NRXN1: variants seen among roughly 807,000 people sequenced by gnomAD.
NRXN1 encodes the protein neurexin 1.
NRXN1 carries 39 observed loss-of-function variants against 150.9 expected under a neutral mutation model. That is an observed-to-expected ratio of 0.26 (90% CI 0.20 to 0.34). The LOEUF (loss-of-function observed/expected upper bound fraction) is 0.34, where lower values mean the gene tolerates loss of function less well. NRXN1 is among the 10% of genes least tolerant of loss of function. NRXN1 has a pLI of 1.00. For missense variants in NRXN1, 1,815 were observed against 1,949.9 expected (o/e 0.93, Z 1.30); for synonymous variants, 924 against 757.0 (o/e 1.22, Z -3.62).
chr2:50,799,462 T>C, intron 5 of NRXN1, among the ~76,000 whole-genome samples: 1 of 152,162 alleles, frequency 6.6e-6, no homozygotes, highest in East Asian at 1.9e-4. Context: ...TGAGGTGGGC[T>C]GGGGGATGTG....
chr2:50,263,281 A>C (rs2068498034), intron 17 of NRXN1, among the ~76,000 whole-genome samples: 1 of 151,884 alleles, frequency 6.6e-6, no homozygotes, highest in Non-Finnish European at 1.5e-5. Flanking sequence ...TTTATTCCTC[A>C]GATTTGAAAG....
rs1679124524 is a variant in NRXN1 at position 50,616,734 on chromosome 2, C to T, written c.1320+3288G>A. On this transcript the variant is annotated intron_variant, in intron 8 of 22. Transcript: ENST00000401669. Reference sequence around the variant, plus strand: ...ATTTCCAGGATCCTTTCCATTCTAACACTCCAAAATTTCTTCCATGACTTC... The same window carrying T: ...ATTTCCAGGATCCTTTCCATTCTAATACTCCAAAATTTCTTCCATGACTTC... Among the ~76,000 whole-genome samples the T allele has an allele frequency of 2.6e-5, 4 of 152,144 alleles. No individual in the cohort carries two copies. In the South Asian group the frequency reaches 6.2e-4, roughly 24 times the overall value.
intron 5 of NRXN1, among the ~76,000 whole-genome samples, chr2:50,815,380 A>C (rs537209582): frequency 6.6e-6 from 1 of 152,290 alleles, no homozygotes; most frequent in Admixed American, 6.5e-5. Flanking sequence ...CAGGATGAGG[A>C]GAGTAAGATA....
chr2:50,743,313 A>T (rs1019103413), intron 5 of NRXN1, among the ~76,000 whole-genome samples: 31 of 152,218 alleles, frequency 2.0e-4, no homozygotes, highest in Admixed American at 8.5e-4. Context: ...TGAAATTTTA[A>T]AGTGGGTATG....
intron 17 of NRXN1, among the ~76,000 whole-genome samples, chr2:50,318,661 T>C (rs1339275732): frequency 6.6e-6 from 1 of 151,620 alleles, no homozygotes; most frequent in Non-Finnish European, 1.5e-5. Context: ...CAGACAAAAA[T>C]GAAGGAATAA....
intron 13 of NRXN1, among the ~76,000 whole-genome samples, chr2:50,500,722 C>T (rs2091898623): frequency 6.6e-6 from 1 of 152,178 alleles, no homozygotes; most frequent in African/African-American, 2.4e-5. Flanking sequence ...AAACATGTTT[C>T]CTAGATGCTG....
chr2:50,329,702 C>G (rs2076707342), intron 17 of NRXN1, among the ~76,000 whole-genome samples: 1 of 128,966 alleles, frequency 7.8e-6, no homozygotes, highest in Non-Finnish European at 1.6e-5. Context: ...GAGACGGAGT[C>G]TCACTCTGTC....
At chr2:50,635,453 G>A (rs528462304) in intron 5 of NRXN1, among the ~76,000 whole-genome samples, 49 of 151,984 alleles carry the variant, frequency 3.2e-4, no homozygotes, top group African/African-American at 1.1e-3. Context: ...GATTACAGGC[G>A]TGAGCCACTG....
At chr2:50,193,314 A>T (rs1337693803) in intron 18 of NRXN1, among the ~76,000 whole-genome samples, 1 of 152,218 alleles carries the variant, frequency 6.6e-6, no homozygotes, top group African/African-American at 2.4e-5. Flanking sequence ...TATCAAATTC[A>T]GCTGTTAAAT....
At chr2:50,297,121 C>G (rs986955437) in intron 17 of NRXN1, among the ~76,000 whole-genome samples, 1 of 151,922 alleles carries the variant, frequency 6.6e-6, no homozygotes, top group African/African-American at 2.4e-5. Flanking sequence ...AAACTCCCGA[C>G]CTTGTGATGC....
At chr2:50,132,287 T>G (rs1705627524) in intron 18 of NRXN1, among the ~76,000 whole-genome samples, 1 of 150,374 alleles carries the variant, frequency 6.7e-6, no homozygotes. Flanking sequence ...CTTTATGCGA[T>G]AGTTTATGTC....
chr2:50,465,828 A>T (rs1440825965), intron 16 of NRXN1, among the ~76,000 whole-genome samples: 1 of 151,932 alleles, frequency 6.6e-6, no homozygotes, highest in Non-Finnish European at 1.5e-5. Context: ...TAGTATGATT[A>T]TTGTAGCAGG....
intron 17 of NRXN1, among the ~76,000 whole-genome samples, chr2:50,344,642 T>C (rs900155978): frequency 2.0e-5 from 3 of 152,174 alleles, no homozygotes; most frequent in Non-Finnish European, 2.9e-5. Flanking sequence ...CACTGTATTC[T>C]GGAGGGAAAG....
chr2:50,500,965 A>G (rs984189949), intron 13 of NRXN1, among the ~76,000 whole-genome samples: 2 of 152,204 alleles, frequency 1.3e-5, no homozygotes, highest in Non-Finnish European at 2.9e-5. Flanking sequence ...CATTTTCTCC[A>G]AACTCATGGT....
chr2:49,976,017 ATTTTTTT>A (rs10597958), intron 21 of NRXN1, among the ~76,000 whole-genome samples: 1 of 91,474 alleles, frequency 1.1e-5, no homozygotes, highest in Non-Finnish European at 2.1e-5. Flanking sequence ...ATGCGGAAGA[ATTTTTTT>A]TTTTTTTTTT....
chr2:49,930,752 G>C (rs1239498817), intron 22 of NRXN1, among the ~76,000 whole-genome samples: 1 of 152,090 alleles, frequency 6.6e-6, no homozygotes, highest in Non-Finnish European at 1.5e-5. Flanking sequence ...TGAACACACT[G>C]GCTGAAAACT....
At chr2:50,876,587 T>C (rs1227158130) in intron 5 of NRXN1, among the ~76,000 whole-genome samples, 1 of 151,792 alleles carries the variant, frequency 6.6e-6, no homozygotes, top group African/African-American at 2.4e-5. Context: ...ACAATATCAG[T>C]ATTTGCTCAT....
At chr2:50,184,652 C>T (rs764786278) in intron 18 of NRXN1, among the ~76,000 whole-genome samples, 9 of 151,942 alleles carry the variant, frequency 5.9e-5, no homozygotes, top group Admixed American at 1.3e-4. Flanking sequence ...AAATTCATGA[C>T]CTTGGAAACT....
At chr2:50,276,667 G>T (rs941061657) in intron 17 of NRXN1, among the ~76,000 whole-genome samples, 1 of 152,066 alleles carries the variant, frequency 6.6e-6, no homozygotes, top group Non-Finnish European at 1.5e-5. Flanking sequence ...ATTGTCAAAG[G>T]CACTTTGCTT....
Sources: gnomAD v4.1 joint callset for allele counts (sites outside exome capture counted in the v4.1 genomes callset) on GRCh38, gnomAD v4.1.1 for gene constraint, MANE v1.5 for transcripts, NCBI Gene and HGNC (gene_info 2026-07-23, HGNC 2026-07-21) for gene names.